THTPA: variants seen among roughly 807,000 people sequenced by gnomAD.
The protein encoded by THTPA is thiamine triphosphatase.
THTPA carries 16 observed loss-of-function variants against 16.5 expected under a neutral mutation model. The observed-to-expected ratio is 0.97, with a 90% CI of 0.66 to 1.47. The LOEUF (loss-of-function observed/expected upper bound fraction) is 1.47, where lower values mean the gene tolerates loss of function less well. Ranked by LOEUF, THTPA falls within the 40% of genes most tolerant of loss-of-function variation. The pLI, the probability that THTPA is intolerant of heterozygous loss-of-function variation, is 0.00. For missense variants in THTPA, 281 were observed against 280.9 expected (o/e 1.00, Z 0.00); for synonymous variants, 110 against 115.5 (o/e 0.95, Z 0.30).
At chr14:23,523,374 C>T in the THTPA span, 17 of 1,489,400 alleles carry the variant, frequency 1.1e-5, no homozygotes, top group African/African-American at 2.8e-5. This position sits in a 1 kb window ranked among gnomAD's most constrained non-coding sequence, Gnocchi z 4.1. Flanking sequence ...GGGGCCAAGT[C>T]GTAGCACTTG....
the THTPA span, chr14:23,533,175 G>A: frequency 6.9e-7 from 1 of 1,441,332 alleles, no homozygotes; most frequent in African/African-American, 1.4e-5. The surrounding 1 kb of genome is among the most constrained non-coding windows in gnomAD (Gnocchi z 4.8). Context: ...GTAGGATAGT[G>A]CTCAGAGGGA....
rs1158296903 is a variant in THTPA at position 23,558,771 on chromosome 14, C to T, written c.624C>T (p.Arg208=). The T allele has an allele frequency of 6.2e-7, 1 of 1,614,220 alleles. No individual in the cohort carries two copies. The highest frequency in any genetic ancestry group is 1.7e-5 in the Admixed American group (1 of 60,024). The change falls in exon 2 of 2, where the codon CGC becomes CGT. Residue 208 remains arginine (R), a synonymous_variant. Coordinates refer to ENST00000288014, the MANE Select transcript of THTPA (RefSeq NM_024328.6). ...LQRFRPQDYQ[R]LLEVNSSRER... is the part of the protein sequence containing the mutation. The stretch of plus-strand genomic sequence containing the variant: ...GTTTCCGGCCTCAAGACTATCAGCG[C>T]CTGCTAGAAGTGAACAGCTCCAGAG...
chr14:23,556,767 G>A lies in THTPA; in HGVS notation c.10G>A (p.Gly4Ser). Residue 4 changes from glycine to serine, a missense_variant, in exon 1 of 2, where the codon GGC becomes AGC. Transcript: ENST00000288014. ...GCCAATTGCAGGTAGCATGGCCCAG[G>A]GCTTGATTGAGGTGGAGCGAAAGTT... Reference protein sequence around the residue: MAQGLIEVERKFLP... With the variant: MAQSLIEVERKFLP... 6.2e-7 allele frequency: 1 copy of A among 1,613,242 alleles called. No homozygotes were observed. The highest frequency in any genetic ancestry group is 1.1e-5 in the South Asian group (1 of 90,922).
chr14:23,521,003 T>C, the THTPA span: 1 of 146,114 alleles, frequency 6.8e-6, no homozygotes, highest in African/African-American at 2.5e-5. Flanking sequence ...TGTGTTTCAG[T>C]TTTTTTTTTT....
chr14:23,514,788 G>A, the THTPA span, among the ~76,000 whole-genome samples: 2 of 152,112 alleles, frequency 1.3e-5, no homozygotes, highest in South Asian at 4.1e-4. Flanking sequence ...TGCACATAGT[G>A]GTGGCCAGGC....
the THTPA span, among the ~76,000 whole-genome samples, chr14:23,550,004 G>C: frequency 5.3e-5 from 8 of 152,184 alleles, no homozygotes; most frequent in African/African-American, 1.9e-4. Flanking sequence ...ATGGAAAAAA[G>C]GGGTGAAGCA....
chr14:23,550,201 C>G, the THTPA span, among the ~76,000 whole-genome samples: 1 of 152,206 alleles, frequency 6.6e-6, no homozygotes, highest in Non-Finnish European at 1.5e-5. Flanking sequence ...CTAGGAAGTT[C>G]CAAAGCTTCT....
upstream of THTPA, among the ~76,000 whole-genome samples, chr14:23,553,718 C>A (rs544050884): frequency 8.1e-4 from 122 of 151,172 alleles, 3 homozygotes; most frequent in East Asian, 0.018. Flanking sequence ...CAGGGTAAAA[C>A]CCCATCTCTA....
rs1595241313 is a variant in THTPA at position 23,560,113 on chromosome 14, A to C, written c.*1273A>C. On this transcript the variant is annotated 3_prime_UTR_variant, in exon 2 of 2. Transcript: ENST00000288014. ...CAGCCCCTCTATACTCAGTGGCTCC[A>C]CACCCTTTTCCTGTAACTCCCCAAG... The C allele has an allele frequency of 7.1e-7, 1 of 1,418,094 alleles. No individual in the cohort carries two copies. The highest frequency in any genetic ancestry group is 2.4e-5 in the East Asian group (1 of 42,226). The allele number at this position is 1,418,094 out of a possible 1,614,324, so 87.8% of individuals were successfully genotyped here.
At chr14:23,546,657 G>C in the THTPA span, among the ~76,000 whole-genome samples, 1 of 152,180 alleles carries the variant, frequency 6.6e-6, no homozygotes, top group African/African-American at 2.4e-5. The surrounding 1 kb of genome is among the most constrained non-coding windows in gnomAD (Gnocchi z 4.7). Context: ...ACTTTCCCCA[G>C]AGAGGCAAGG....
chr14:23,557,381 TG>T, intron 1 of THTPA, 77 bp downstream of exon 1: 1 of 1,417,584 alleles, frequency 7.1e-7, no homozygotes, highest in Non-Finnish European at 9.2e-7. Context: ...GACCATGCAG[TG>T]GGGGAGGGCC....
At chr14:23,544,255 A>G in the THTPA span, 1 of 151,760 alleles carries the variant, frequency 6.6e-6, no homozygotes, top group Admixed American at 6.6e-5. Context: ...ACCCTGTCTA[A>G]AAACAAACAC....
chr14:23,538,348 C>T, the THTPA span, among the ~76,000 whole-genome samples: 2 of 150,348 alleles, frequency 1.3e-5, no homozygotes, highest in Non-Finnish European at 3.0e-5. Flanking sequence ...CCTTTCTTCT[C>T]GGAGCTTCTC....
intron 1 of THTPA, 96 bp downstream of exon 1, chr14:23,557,400 TA>T (rs986442396): frequency 4.1e-5 from 55 of 1,357,122 alleles, no homozygotes; most frequent in Middle Eastern, 2.6e-4. Flanking sequence ...GCCTCCGGAT[TA>T]AAAATTTTTT....
chr14:23,521,564 G>C, the THTPA span: 1 of 172,648 alleles, frequency 5.8e-6, no homozygotes, highest in Non-Finnish European at 1.2e-5. Flanking sequence ...TAACGTGTGT[G>C]TGTGCATGTA....
At chr14:23,523,102 C>T in the THTPA span, 1 of 1,405,120 alleles carries the variant, frequency 7.1e-7, no homozygotes, top group Non-Finnish European at 9.2e-7. The surrounding 1 kb of genome is among the most constrained non-coding windows in gnomAD (Gnocchi z 4.1). Context: ...AGGAAGGCCA[C>T]AGGAGATTGG....
the THTPA span, chr14:23,522,463 C>T: frequency 6.5e-7 from 1 of 1,535,854 alleles, no homozygotes; most frequent in Non-Finnish European, 8.7e-7. Context: ...GCTCAGGGGG[C>T]TGGGGTGGCG....
chr14:23,521,186 AG>A, the THTPA span: 1 of 152,480 alleles, frequency 6.6e-6, no homozygotes, highest in Admixed American at 6.5e-5. Flanking sequence ...GGATTGGCAG[AG>A]GGGTTTCTGG....
the THTPA span, among the ~76,000 whole-genome samples, chr14:23,549,343 C>T: frequency 6.6e-6 from 1 of 151,986 alleles, no homozygotes; most frequent in Non-Finnish European, 1.5e-5. Context: ...TTCTGTTCAC[C>T]TCTGAAATCG....
Sources: gnomAD v4.1 joint callset for allele counts (sites outside exome capture counted in the v4.1 genomes callset) on GRCh38, gnomAD v4.1.1 for gene constraint, Gnocchi (gnomAD v3.1) non-coding constraint, MANE v1.5 for transcripts, NCBI Gene and HGNC (gene_info 2026-07-23, HGNC 2026-07-21) for gene names.